EMILIN2: variants seen among roughly 807,000 people sequenced by gnomAD.
The protein encoded by EMILIN2 is elastin microfibril interfacer 2.
EMILIN2 carries 71 observed loss-of-function variants against 87.1 expected under a neutral mutation model. That is an observed-to-expected ratio of 0.82 (90% confidence interval 0.67 to 0.99). The LOEUF is 0.99. Ranked by LOEUF, EMILIN2 falls within the 50% of genes least tolerant of loss-of-function variation. The probability of loss-of-function intolerance (pLI) is 0.00; values close to 1 mark genes in which losing one functional copy is unlikely to be tolerated. For synonymous variants in EMILIN2, 581 were observed against 563.4 expected (o/e 1.03, Z -0.44); for missense variants, 1,407 against 1,371.8 (o/e 1.03, Z -0.40).
chr18:2,851,892 G>A lies in EMILIN2; in HGVS notation c.257+3961G>A, dbSNP rs114497679. Among the ~76,000 whole-genome samples the A allele has an allele frequency of 4.6e-3, 705 of 152,198 alleles. 6 individuals are homozygous for A. The highest frequency in any genetic ancestry group is 0.016 in the African/African-American group (663 of 41,498). ...ACAGCCCTTCGGGTTGAATAGTATT[G>A]TCTCCATTTTACCAAGGAGGAAACT... On this transcript the variant is annotated intron_variant, in intron 2 of 7. Coordinates refer to ENST00000254528, the MANE Select transcript of EMILIN2 (RefSeq NM_032048.3).
Position 2,906,795 on chromosome 18 carries a change from C to T in EMILIN2, c.2372C>T (p.Pro791Leu). The change falls in exon 5 of 8, where the codon CCC becomes CTC. Residue 791 changes from proline (P) to leucine (L), a missense_variant. Physicochemically the swap from Pro to Leu is moderately conservative, Grantham distance 98. Coordinates refer to ENST00000254528, the MANE Select transcript of EMILIN2 (RefSeq NM_032048.3). ...KFQPSAKAPS[P>L]PPPAEAPKEP... is the part of the protein sequence containing the mutation. Reference sequence around the variant, plus strand: ...CGACGCCCGGCAGAGGCGCCCTCGCCCCCGCCGCCCGCAGAGGCCCCGAAG... The same window carrying T: ...CGACGCCCGGCAGAGGCGCCCTCGCTCCCGCCGCCCGCAGAGGCCCCGAAG... 2.3e-6 allele frequency: 3 copies of T among 1,286,418 alleles called. No homozygotes were observed. The highest frequency in any genetic ancestry group is 2.9e-6 in the Non-Finnish European group (3 of 1,023,170). The allele number at this position is 1,286,418 out of a possible 1,614,324, so 79.7% of individuals were successfully genotyped here.
intron 2 of EMILIN2, among the ~76,000 whole-genome samples, chr18:2,860,069 A>T (rs538263913): frequency 6.6e-6 from 1 of 152,058 alleles, no homozygotes; most frequent in African/African-American, 2.4e-5. Flanking sequence ...TTTTGGTTCT[A>T]TAAGAATTTT....
At chr18:2,901,890 C>T (rs113433324) in intron 4 of EMILIN2, among the ~76,000 whole-genome samples, 2 of 152,282 alleles carry the variant, frequency 1.3e-5, no homozygotes, top group African/African-American at 2.4e-5. Flanking sequence ...AGTGAGACGT[C>T]GCTTTTTCAT....
At chr18:2,904,798 G>A (rs1001592122) in intron 4 of EMILIN2, among the ~76,000 whole-genome samples, 1 of 152,104 alleles carries the variant, frequency 6.6e-6, no homozygotes, top group African/African-American at 2.4e-5. Context: ...TTTGACTTTG[G>A]TTCACATTTA....
At chr18:2,910,305 C>T (rs920042709) in intron 7 of EMILIN2, among the ~76,000 whole-genome samples, 2 of 152,212 alleles carry the variant, frequency 1.3e-5, no homozygotes, top group Non-Finnish European at 2.9e-5. Context: ...GGGCCTCATG[C>T]TCTGCAACAG....
rs777006338 is a variant in EMILIN2 at position 2,914,235 on chromosome 18, C to T, written c.*831C>T. The T allele has an allele frequency of 6.6e-6, 1 of 152,286 alleles. No individual in the cohort carries two copies. Among genetic ancestry groups the T allele is most frequent in the Non-Finnish European group, 1.5e-5 (1 of 68,050 alleles). 9.4% of individuals were successfully genotyped at this position (152,286 alleles called of 1,614,324 possible). On this transcript the variant is annotated 3_prime_UTR_variant, in exon 8 of 8. Transcript: ENST00000254528. ...TACCCCTCCGCATCCAAGCTATACACTTGGGTTTTGTTTCTGGCTTGTGAA... is the reference window on the plus strand; with the variant it reads ...TACCCCTCCGCATCCAAGCTATACATTTGGGTTTTGTTTCTGGCTTGTGAA...
At position 2,885,073 on chromosome 18, in the gene EMILIN2, A is replaced by G. The variant is rs1341791206; in HGVS notation, c.367A>G (p.Lys123Glu). The G allele has an allele frequency of 1.2e-6, 2 of 1,613,874 alleles. No individual in the cohort carries two copies. Among genetic ancestry groups the G allele is most frequent in the East Asian group, 2.2e-5 (1 of 44,872 alleles). The change falls in exon 3 of 8, where the codon AAA becomes GAA. Residue 123 changes from lysine to glutamate, a missense_variant. Transcript: ENST00000254528. The stretch of plus-strand genomic sequence containing the variant: ...AGGGGGAGATTGCCAAGAAGGTCCC[A>G]AAGACCCCGTGAAGACCCTCCGCCC... The part of the protein sequence containing the change: ...FRGGDCQEGP[K>E]DPVKTLRPTP...
At chr18:2,855,398 G>A (rs1480753080) in intron 2 of EMILIN2, among the ~76,000 whole-genome samples, 5 of 152,216 alleles carry the variant, frequency 3.3e-5, no homozygotes, top group African/African-American at 1.2e-4. Flanking sequence ...ATGCTGAGGG[G>A]CTACACTTTC....
At chr18:2,854,517 G>C (rs1168935973) in intron 2 of EMILIN2, among the ~76,000 whole-genome samples, 3 of 152,172 alleles carry the variant, frequency 2.0e-5, no homozygotes, top group Admixed American at 2.0e-4. Flanking sequence ...ATTTGGCTGG[G>C]CGTGGTGGCT....
At chr18:2,876,543 G>A (rs1248482759) in intron 2 of EMILIN2, among the ~76,000 whole-genome samples, 4 of 126,532 alleles carry the variant, frequency 3.2e-5, no homozygotes, top group South Asian at 7.1e-4. Context: ...GAGGTGGGTG[G>A]ATCACAAGGT....
chr18:2,900,706 T>G lies in EMILIN2; in HGVS notation c.2360-6077T>G, dbSNP rs534767517. 1.4e-3 allele frequency among the ~76,000 whole-genome samples: 207 copies of G among 152,286 alleles called. 1 individual carries two copies. Among genetic ancestry groups the G allele is most frequent in the African/African-American group, 4.7e-3 (196 of 41,554 alleles). On this transcript the variant is annotated intron_variant, in intron 4 of 7. Transcript: ENST00000254528. ...TTAGCACCACAAGCGACAGTTTCTC[T>G]GAATTTTCTGATGAGTCCAGCATTT...
chr18:2,850,924 C>T (rs942223713), intron 2 of EMILIN2, among the ~76,000 whole-genome samples: 1 of 151,980 alleles, frequency 6.6e-6, no homozygotes, highest in South Asian at 2.1e-4. Context: ...AGGCTTCAGG[C>T]TCCAGAAAGG....
chr18:2,879,005 G>A (rs1326200922), intron 2 of EMILIN2, among the ~76,000 whole-genome samples: 1 of 152,202 alleles, frequency 6.6e-6, no homozygotes, highest in Non-Finnish European at 1.5e-5. Flanking sequence ...TAAACACAAG[G>A]CAAGGAGCCT....
chr18:2,846,724 C>G (rs963931538), upstream of EMILIN2: 2 of 984,284 alleles, frequency 2.0e-6, no homozygotes, highest in African/African-American at 3.5e-5. This position sits in a 1 kb window ranked among gnomAD's most constrained non-coding sequence, Gnocchi z 5.3. Context: ...CCCGGGGGGC[C>G]GGGAGCGAGC....
intron 4 of EMILIN2, among the ~76,000 whole-genome samples, chr18:2,897,864 TAA>T (rs35471855): frequency 2.4e-4 from 34 of 139,106 alleles, no homozygotes; most frequent in Non-Finnish European, 3.1e-4. Context: ...CCTGTCTCTT[TAA>T]AAAAAAAAAA....
chr18:2,913,240 C>T lies in EMILIN2; in HGVS notation c.2998C>T (p.His1000Tyr), dbSNP rs1306134731. The T allele has an allele frequency of 3.7e-6, 6 of 1,614,098 alleles. No homozygotes were observed. The East Asian group carries it at 6.7e-5, about 18-fold the overall frequency. ...LEYHRPPGAL[H>Y]TCGGPGAFHL... ...ATACCACCGCCCTCCAGGAGCTTTGCATACCTGCGGGGGCCCGGGGGCATT... is the reference window on the plus strand; with the variant it reads ...ATACCACCGCCCTCCAGGAGCTTTGTATACCTGCGGGGGCCCGGGGGCATT... The change falls in exon 8 of 8, where the codon CAT becomes TAT. Residue 1000 changes from histidine (H) to tyrosine (Y), a missense_variant. Physicochemically the swap from His to Tyr is moderately conservative, Grantham distance 83 (BLOSUM62 2). Transcript: ENST00000254528.
In EMILIN2 at chr18:2,880,649, C is replaced by A. The variant is rs565412346; in HGVS notation, c.258-4315C>A. ...GCCGCCTTAACTTTTCCTCTGGCTGCGGGTCCCTCGGCTTGGCCACCCCCA... is the reference window on the plus strand; with the variant it reads ...GCCGCCTTAACTTTTCCTCTGGCTGAGGGTCCCTCGGCTTGGCCACCCCCA... On this transcript the variant is annotated intron_variant, in intron 2 of 7. Coordinates refer to ENST00000254528, the MANE Select transcript of EMILIN2 (RefSeq NM_032048.3). This position sits in a 1 kb window ranked among gnomAD's most constrained non-coding sequence, Gnocchi z 4.1. Among the ~76,000 whole-genome samples the A allele has an allele frequency of 6.6e-6, 1 of 152,202 alleles. No homozygotes were observed. The highest frequency in any genetic ancestry group is 1.5e-5 in the Non-Finnish European group (1 of 68,026).
rs1007277987 is a variant in EMILIN2, at chr18:2,890,260, A to C, written c.434-301A>C. 6.6e-6 allele frequency among the ~76,000 whole-genome samples: 1 copy of C among 152,204 alleles called. No homozygotes were observed. On this transcript the variant is annotated intron_variant, in intron 3 of 7. Coordinates refer to ENST00000254528, the MANE Select transcript of EMILIN2 (RefSeq NM_032048.3). This position sits in a 1 kb window ranked among gnomAD's most constrained non-coding sequence, Gnocchi z 4.7. ...TGATTATCTAATAGGTGTCATGTAC[A>C]TATTATTTTAACAGCTCTAGAAGCT...
intron 2 of EMILIN2, among the ~76,000 whole-genome samples, chr18:2,853,708 C>G (rs1338388013): frequency 1.3e-5 from 2 of 152,190 alleles, no homozygotes; most frequent in Non-Finnish European, 2.9e-5. Context: ...GCACTCCTCC[C>G]GCTCCACACC....
Sources: allele counts gnomAD v4.1 joint callset (sites outside exome capture counted in the v4.1 genomes callset), GRCh38; gene constraint gnomAD v4.1.1; non-coding constraint Gnocchi (gnomAD v3.1); transcripts MANE v1.5; gene names NCBI Gene and HGNC (gene_info 2026-07-23, HGNC 2026-07-21).